The following GRIK4 variants were observed in gnomAD, a reference collection of about 807,000 sequenced individuals.
GRIK4 encodes glutamate receptor ionotropic, kainate 4.
Under a neutral mutation model 104.9 loss-of-function variants are expected in GRIK4, and 40 were observed. The ratio of observed to expected loss-of-function variants is 0.38; its 90% confidence interval spans 0.30 to 0.50. The LOEUF (loss-of-function observed/expected upper bound fraction) is 0.50, where lower values mean the gene tolerates loss of function less well. Ranked by LOEUF, GRIK4 falls within the 20% of genes least tolerant of loss-of-function variation. GRIK4 has a pLI of 0.93. For synonymous variants in GRIK4, 485 were observed against 524.9 expected (o/e 0.92, Z 1.04); for missense variants, 1,047 against 1,308.1 (o/e 0.80, Z 3.08).
intron 1 of GRIK4, among the ~76,000 whole-genome samples, chr11:120,532,406 A>G (rs950019106): frequency 6.6e-6 from 1 of 152,180 alleles, no homozygotes; most frequent in Non-Finnish European, 1.5e-5. Flanking sequence ...CCAACAGCTT[A>G]GAGGCATTGA....
chr11:120,616,585 C>T (rs1263124225), intron 1 of GRIK4, among the ~76,000 whole-genome samples: 1 of 152,094 alleles, frequency 6.6e-6, no homozygotes, highest in Non-Finnish European at 1.5e-5. Flanking sequence ...AGTGCTTTGG[C>T]CATGGTGGCC....
At chr11:120,582,037 G>A (rs1271703929) in intron 1 of GRIK4, among the ~76,000 whole-genome samples, 1 of 151,362 alleles carries the variant, frequency 6.6e-6, no homozygotes, top group Non-Finnish European at 1.5e-5. Context: ...TCGATCTCCT[G>A]ACCTCGTGAT....
chr11:120,741,147 C>T (rs1951323301), intron 3 of GRIK4, among the ~76,000 whole-genome samples: 1 of 152,124 alleles, frequency 6.6e-6, no homozygotes, highest in South Asian at 2.1e-4. Flanking sequence ...CCCCTGCATG[C>T]ATTAACTCAT....
intron 1 of GRIK4, among the ~76,000 whole-genome samples, chr11:120,533,618 C>A (rs1385723520): frequency 5.9e-5 from 9 of 152,226 alleles, no homozygotes; most frequent in Admixed American, 5.9e-4. Context: ...TGGCTCACAC[C>A]TGTAATCCCA....
Position 120,681,094 on chromosome 11 carries a change from A to T in GRIK4, c.82+20694A>T, listed in dbSNP as rs527522707. Among the ~76,000 whole-genome samples, 11 of 152,240 alleles carry T rather than the reference A, an allele frequency of 7.2e-5. No individual in the cohort carries two copies. In the East Asian group the frequency reaches 2.1e-3, roughly 29 times the overall value. On this transcript the variant is annotated intron_variant, in intron 3 of 20. Coordinates refer to ENST00000527524, the MANE Select transcript of GRIK4 (RefSeq NM_014619.5). ...TTTTCACCTTTTTACCCCATTCCTC[A>T]GTGCTCTTCCCTTCATCTCTAAGAC...
At chr11:120,604,014 CA>C (rs1362221594) in intron 1 of GRIK4, among the ~76,000 whole-genome samples, 1 of 151,040 alleles carries the variant, frequency 6.6e-6, no homozygotes, top group African/African-American at 2.4e-5. Flanking sequence ...ACTAAAAATA[CA>C]AAAAAAATTA....
At chr11:120,705,232 C>CTTTTTTTTTTTTTTT (rs902505786) in intron 3 of GRIK4, among the ~76,000 whole-genome samples, 2 of 139,084 alleles carry the variant, frequency 1.4e-5, no homozygotes, top group Admixed American at 7.4e-5. Context: ...TCTTTCTTTT[C>CTTTTTTTTTTTTTTT]TTTTTTTTTT....
At chr11:120,714,806 A>G (rs28470321) in intron 3 of GRIK4, among the ~76,000 whole-genome samples, 7,743 of 152,296 alleles carry the variant, frequency 0.051, 654 homozygotes, top group African/African-American at 0.17. Flanking sequence ...AGGTGGGAAC[A>G]GATGAGCCTG....
At chr11:120,926,992 C>T (rs548180316) in intron 13 of GRIK4, among the ~76,000 whole-genome samples, 22 of 152,222 alleles carry the variant, frequency 1.4e-4, no homozygotes, top group African/African-American at 4.1e-4. Flanking sequence ...GAGGTCAGAA[C>T]GGTGAGAAGC....
At chr11:120,957,833 G>A (rs186603779) in intron 16 of GRIK4, among the ~76,000 whole-genome samples, 8 of 152,330 alleles carry the variant, frequency 5.3e-5, no homozygotes, top group Non-Finnish European at 2.9e-5. Flanking sequence ...AATTACTGGA[G>A]GAGCCACTGG....
intron 3 of GRIK4, among the ~76,000 whole-genome samples, chr11:120,669,702 C>G (rs1302425207): frequency 1.3e-5 from 2 of 152,230 alleles, no homozygotes; most frequent in Non-Finnish European, 2.9e-5. Context: ...TGTTCTTGCA[C>G]TGTTTCTGGC....
In GRIK4 at chr11:120,905,793, G is replaced by T. The variant is rs1942856206; in HGVS notation, c.1476+300G>T. 6.6e-6 allele frequency among the ~76,000 whole-genome samples: 1 copy of T among 152,082 alleles called. No homozygotes were observed. Among genetic ancestry groups the T allele is most frequent in the African/African-American group, 2.4e-5 (1 of 41,414 alleles). On this transcript the variant is annotated intron_variant, in intron 13 of 20. Transcript: ENST00000527524. This position sits in a 1 kb window ranked among gnomAD's most constrained non-coding sequence, Gnocchi z 5.1. ...TTGGGTTCCATTTTTGGTGCTTTTTGATTGTTCTGATTATTTTGTGGCTCA... is the reference window on the plus strand; with the variant it reads ...TTGGGTTCCATTTTTGGTGCTTTTTTATTGTTCTGATTATTTTGTGGCTCA...
chr11:120,971,224 T>C (rs1008575059), intron 19 of GRIK4, among the ~76,000 whole-genome samples: 1 of 152,172 alleles, frequency 6.6e-6, no homozygotes, highest in Non-Finnish European at 1.5e-5. Context: ...TTAAGACATA[T>C]ATTTTCTGTC....
chr11:120,701,790 C>G (rs967876283), intron 3 of GRIK4, among the ~76,000 whole-genome samples: 7 of 151,950 alleles, frequency 4.6e-5, no homozygotes, highest in Non-Finnish European at 4.4e-5. Flanking sequence ...TGCAGTAATC[C>G]AGGTGAGAGA....
At chr11:120,885,219 T>C (rs1955083428) in intron 11 of GRIK4, among the ~76,000 whole-genome samples, 1 of 152,140 alleles carries the variant, frequency 6.6e-6, no homozygotes, top group Non-Finnish European at 1.5e-5. Flanking sequence ...GAGAGAGGGG[T>C]ATGCAGATGA....
intron 3 of GRIK4, among the ~76,000 whole-genome samples, chr11:120,709,382 T>A (rs577495791): frequency 6.6e-6 from 1 of 152,078 alleles, no homozygotes; most frequent in Non-Finnish European, 1.5e-5. Flanking sequence ...TAAGACATGG[T>A]ACCTGACAGG....
intron 1 of GRIK4, among the ~76,000 whole-genome samples, chr11:120,590,502 G>C (rs534622480): frequency 6.6e-6 from 1 of 152,222 alleles, no homozygotes; most frequent in Non-Finnish European, 1.5e-5. Context: ...AGGTGCACCC[G>C]GCTGCTGGCG....
At chr11:120,582,620 G>A (rs1948602344) in intron 1 of GRIK4, among the ~76,000 whole-genome samples, 2 of 152,142 alleles carry the variant, frequency 1.3e-5, no homozygotes, top group African/African-American at 4.8e-5. Flanking sequence ...TTGGTTTTCT[G>A]TTCTCATGTT....
At chr11:120,655,305 A>G (rs2135227674) in intron 2 of GRIK4, among the ~76,000 whole-genome samples, 1 of 151,984 alleles carries the variant, frequency 6.6e-6, no homozygotes, top group South Asian at 2.1e-4. Flanking sequence ...TTCCAAGCAG[A>G]AGCACATGCA....
Sources: gnomAD v4.1 joint callset for allele counts (sites outside exome capture counted in the v4.1 genomes callset) on GRCh38, gnomAD v4.1.1 for gene constraint, Gnocchi (gnomAD v3.1) non-coding constraint, MANE v1.5 for transcripts, NCBI Gene and HGNC (gene_info 2026-07-23, HGNC 2026-07-21) for gene names.